Variants in MACROD2 observed in about 807,000 individuals in gnomAD.
MACROD2 encodes mono-ADP ribosylhydrolase 2.
Under a neutral mutation model 70.4 loss-of-function variants are expected in MACROD2, and 36 were observed. That is an observed-to-expected ratio of 0.51 (90% CI 0.39 to 0.68). The LOEUF is 0.68. MACROD2 is among the 30% of genes least tolerant of loss of function. MACROD2 has a pLI of 0.00. For missense variants in MACROD2, 496 were observed against 538.4 expected, an observed-to-expected ratio of 0.92 and a Z score of 0.78; for synonymous variants, 172 against 178.8, an observed-to-expected ratio of 0.96 and a Z score of 0.30.
At chr20:15,048,055 C>T (rs1478153756) in intron 5 of MACROD2, among the ~76,000 whole-genome samples, 2 of 151,474 alleles carry the variant, frequency 1.3e-5, no homozygotes, top group African/African-American at 2.4e-5. Context: ...CTTGAGGCCA[C>T]GAGTTCAAGA....
At chr20:15,273,448 CAT>C (rs1184356618) in intron 6 of MACROD2, among the ~76,000 whole-genome samples, 1 of 151,400 alleles carries the variant, frequency 6.6e-6, no homozygotes, top group Non-Finnish European at 1.5e-5. Flanking sequence ...AGGATATATA[CAT>C]ATATGTTCTG....
At chr20:14,546,903 C>A (rs1245187513) in intron 4 of MACROD2, among the ~76,000 whole-genome samples, 1 of 151,802 alleles carries the variant, frequency 6.6e-6, no homozygotes, top group Admixed American at 6.6e-5. Flanking sequence ...ATAGTAGGTG[C>A]TCACCCAATA....
At chr20:15,357,974 T>A (rs1398175736) in intron 6 of MACROD2, among the ~76,000 whole-genome samples, 1 of 151,572 alleles carries the variant, frequency 6.6e-6, no homozygotes, top group African/African-American at 2.4e-5. Context: ...GCCCGGCTAA[T>A]TTTTTTTGTA....
chr20:14,942,540 A>G (rs1028909047), intron 5 of MACROD2, among the ~76,000 whole-genome samples: 2 of 152,200 alleles, frequency 1.3e-5, no homozygotes, highest in Non-Finnish European at 2.9e-5. Context: ...GGTCAGCAAG[A>G]AATTTCTTTT....
Position 14,500,253 on chromosome 20 carries a change from G to T in MACROD2, c.301+6745G>T, listed in dbSNP as rs181893022. ...AAATGGAGTGAAAAGTGTTAGGGCA[G>T]AACTGAAGAGAGGAACTCTGGTGCT... On this transcript the variant is annotated intron_variant, in intron 4 of 17. Transcript: ENST00000684519. 2.0e-3 allele frequency among the ~76,000 whole-genome samples: 303 copies of T among 152,340 alleles called. 3 individuals are homozygous for T. Among genetic ancestry groups the T allele is most frequent in the Admixed American group, 0.019 (284 of 15,308 alleles).
At chr20:15,869,238 T>TATATATATAGAGAGAGAGCGAGAGAG in intron 9 of MACROD2, among the ~76,000 whole-genome samples, 1 of 28,292 alleles carries the variant, frequency 3.5e-5, no homozygotes, top group South Asian at 5.4e-3. Flanking sequence ...TATATATATA[T>TATATATATAGAGAGAGAGCGAGAGAG]AGAGAGAGAG....
chr20:15,521,256 G>A (rs982356050), intron 8 of MACROD2, among the ~76,000 whole-genome samples: 3 of 152,120 alleles, frequency 2.0e-5, no homozygotes, highest in African/African-American at 7.2e-5. Context: ...TTGCCTTCTC[G>A]TTTTTCAGTG....
intron 3 of MACROD2, among the ~76,000 whole-genome samples, chr20:14,444,831 G>T (rs190492856): frequency 6.6e-6 from 1 of 152,020 alleles, no homozygotes; most frequent in Non-Finnish European, 1.5e-5. Flanking sequence ...ATCTCTGTGT[G>T]TGTGTATATA....
intron 8 of MACROD2, among the ~76,000 whole-genome samples, chr20:15,809,670 C>A (rs963433485): frequency 6.6e-6 from 1 of 152,038 alleles, no homozygotes; most frequent in African/African-American, 2.4e-5. Flanking sequence ...CCCCTCTGAC[C>A]CAAACACCTC....
At chr20:15,189,270 A>T (rs181403933) in intron 5 of MACROD2, among the ~76,000 whole-genome samples, 257 of 151,652 alleles carry the variant, frequency 1.7e-3, no homozygotes, top group Non-Finnish European at 2.9e-3. Context: ...CATGACCAAC[A>T]TAGTGCTTGG....
chr20:15,365,012 G>C (rs2045387885), intron 6 of MACROD2, among the ~76,000 whole-genome samples: 1 of 152,158 alleles, frequency 6.6e-6, no homozygotes, highest in African/African-American at 2.4e-5. Flanking sequence ...GTCAAAGGCA[G>C]AAAGAACTTC....
intron 6 of MACROD2, among the ~76,000 whole-genome samples, chr20:15,381,436 C>T (rs1214056366): frequency 6.6e-6 from 1 of 151,780 alleles, no homozygotes; most frequent in Non-Finnish European, 1.5e-5. Context: ...CACAGTGGCT[C>T]ATGCTTGTAA....
In MACROD2 at chr20:14,068,273, C is replaced by A. The variant is rs6079280; in HGVS notation, c.164-17348C>A. 3.3e-5 allele frequency among the ~76,000 whole-genome samples: 5 copies of A among 150,896 alleles called. No individual in the cohort carries two copies. In the South Asian group the frequency reaches 1.0e-3, roughly 32 times the overall value. ...GATTATCCTCTCGCACCCCCCACCCCCCCTGTGCTCCACAGTTTCTGAGAT... is the reference window on the plus strand; with the variant it reads ...GATTATCCTCTCGCACCCCCCACCCACCCTGTGCTCCACAGTTTCTGAGAT... On this transcript the variant is annotated intron_variant, in intron 2 of 17. Coordinates refer to ENST00000684519, the MANE Select transcript of MACROD2 (RefSeq NM_001351661.2).
At chr20:14,573,855 C>T (rs981726215) in intron 4 of MACROD2, among the ~76,000 whole-genome samples, 1 of 152,108 alleles carries the variant, frequency 6.6e-6, no homozygotes, top group Non-Finnish European at 1.5e-5. Flanking sequence ...CTGGTAGGAG[C>T]CAAGCTAGGA....
chr20:15,089,959 A>G (rs1269619603), intron 5 of MACROD2, among the ~76,000 whole-genome samples: 1 of 152,094 alleles, frequency 6.6e-6, no homozygotes, highest in Non-Finnish European at 1.5e-5. Flanking sequence ...TTATGTAGCC[A>G]TATGAAACAA....
At chr20:14,466,561 G>C (rs920193935) in intron 3 of MACROD2, among the ~76,000 whole-genome samples, 11 of 152,086 alleles carry the variant, frequency 7.2e-5, no homozygotes, top group Admixed American at 2.6e-4. Flanking sequence ...GTCCAGCTTT[G>C]TTCCATTGCT....
In MACROD2 at chr20:15,613,020, C is replaced by A. The variant is rs866458988; in HGVS notation, c.645+113173C>A. Among the ~76,000 whole-genome samples, 7 of 152,118 alleles carry A rather than the reference C, an allele frequency of 4.6e-5. No individual in the cohort carries two copies. In the South Asian group the frequency reaches 1.0e-3, roughly 22 times the overall value. On this transcript the variant is annotated intron_variant, in intron 8 of 17. Coordinates refer to ENST00000684519, the MANE Select transcript of MACROD2 (RefSeq NM_001351661.2). ...AATAAGTGGATGAAGAAATCATTTT[C>A]CCTGTGGCAAAAAGGGAGAGAAATA...
intron 7 of MACROD2, among the ~76,000 whole-genome samples, chr20:15,458,943 AG>A (rs1465571442): frequency 1.3e-5 from 2 of 152,098 alleles, no homozygotes; most frequent in African/African-American, 4.8e-5. Context: ...CAGACGTTCA[AG>A]GTCTGCTTGG....
chr20:14,154,137 C>CT (rs1009915660), intron 3 of MACROD2, among the ~76,000 whole-genome samples: 1 of 152,116 alleles, frequency 6.6e-6, no homozygotes, highest in Non-Finnish European at 1.5e-5. Context: ...AGATAAATGG[C>CT]TTTTTTTCAT....
Sources: allele counts gnomAD v4.1 joint callset (sites outside exome capture counted in the v4.1 genomes callset), GRCh38; gene constraint gnomAD v4.1.1; transcripts MANE v1.5; gene names NCBI Gene and HGNC (gene_info 2026-07-23, HGNC 2026-07-21).